The following SNX24 variants were observed in gnomAD, a reference collection of about 807,000 sequenced individuals.
SNX24 encodes sorting nexin 24, also known as sorting nexin-24.
SNX24 carries 22 observed loss-of-function variants against 28.7 expected under a neutral mutation model. The observed-to-expected ratio is 0.77, with a 90% CI of 0.55 to 1.10. SNX24 has a LOEUF of 1.10. SNX24 is among the 50% of genes least tolerant of loss of function. The pLI, the probability that SNX24 is intolerant of heterozygous loss-of-function variation, is 0.00. For missense variants in SNX24, 221 were observed against 201.1 expected, an observed-to-expected ratio of 1.10 and a Z score of -0.60; for synonymous variants, 69 against 71.5, an observed-to-expected ratio of 0.96 and a Z score of 0.18.
intron 3 of SNX24, among the ~76,000 whole-genome samples, chr5:122,955,082 T>C (rs1349197981): frequency 6.6e-6 from 1 of 151,986 alleles, no homozygotes; most frequent in Non-Finnish European, 1.5e-5. Context: ...TTTTTCTCCA[T>C]GGTCAGGGTG....
chr5:122,948,653 A>G lies in SNX24; in HGVS notation c.249+2494A>G, dbSNP rs1295668488. On this transcript the variant is annotated intron_variant, in intron 3 of 6. Transcript: ENST00000261369. ...AGTACATTCTGGACCATGGGTGAGT[A>G]CAACCCCACACATTTCCTAAGGTGG... 2.6e-5 allele frequency: 4 copies of G among 152,320 alleles called. No homozygotes were observed. In the East Asian group the frequency reaches 5.8e-4, roughly 22 times the overall value. 9.4% of individuals were successfully genotyped at this position (152,320 alleles called of 1,614,324 possible). A position where few individuals can be genotyped will look rare whatever the true frequency, so the allele number is the denominator to read the frequency against.
At chr5:122,855,219 A>C (rs926456269) in intron 1 of SNX24, among the ~76,000 whole-genome samples, 5 of 151,972 alleles carry the variant, frequency 3.3e-5, no homozygotes, top group African/African-American at 1.2e-4. Context: ...CTACAGGTGC[A>C]GGCCACTATG....
At chr5:123,020,123 T>A (rs778943591) in intron 5 of SNX24, among the ~76,000 whole-genome samples, 1 of 152,326 alleles carries the variant, frequency 6.6e-6, no homozygotes, top group South Asian at 2.1e-4. Context: ...TCCTTCTGCA[T>A]GGGGGAGAGT....
intron 3 of SNX24, chr5:122,998,462 G>A (rs1290398580): frequency 1.3e-5 from 2 of 152,146 alleles, no homozygotes; most frequent in Non-Finnish European, 2.9e-5. Flanking sequence ...TAGATGCCCA[G>A]GAAATTATTA....
At chr5:123,023,804 CACA>C in intron 5 of SNX24, 1 of 1,221,912 alleles carries the variant, frequency 8.2e-7, no homozygotes. Context: ...TGAAAGACAA[CACA>C]ACACACACAC....
intron 1 of SNX24, among the ~76,000 whole-genome samples, chr5:122,893,974 G>C (rs1372694089): frequency 6.6e-6 from 1 of 151,664 alleles, no homozygotes; most frequent in Non-Finnish European, 1.5e-5. Flanking sequence ...CTTGAACCCG[G>C]TTGCTGTGAG....
chr5:122,912,966 C>A (rs1757958560), intron 1 of SNX24, among the ~76,000 whole-genome samples: 2 of 152,030 alleles, frequency 1.3e-5, no homozygotes, highest in African/African-American at 4.8e-5. Flanking sequence ...ACATCTTGCA[C>A]CGCCCTTAAT....
intron 1 of SNX24, 78 bp downstream of exon 1, chr5:122,845,771 C>T (rs1228694133): frequency 2.3e-6 from 2 of 884,384 alleles, no homozygotes; most frequent in African/African-American, 1.7e-5. Context: ...CCCTTGGCCG[C>T]CGCCGCCTTG....
intron 5 of SNX24, 31 bp from the exon 6 acceptor site, chr5:123,001,909 A>C (rs777579424): frequency 2.5e-6 from 4 of 1,598,780 alleles, no homozygotes; most frequent in Non-Finnish European, 3.4e-6. Context: ...TCGTCCCCTG[A>C]TGCTGACATG....
intron 1 of SNX24, among the ~76,000 whole-genome samples, chr5:122,935,405 G>A (rs1759139143): frequency 6.6e-6 from 1 of 151,936 alleles, no homozygotes; most frequent in Non-Finnish European, 1.5e-5. Flanking sequence ...ATATCTGAGA[G>A]TTTGAAGCAT....
chr5:122,900,001 G>A (rs370902720), intron 1 of SNX24, among the ~76,000 whole-genome samples: 4 of 152,012 alleles, frequency 2.6e-5, no homozygotes, highest in South Asian at 4.2e-4. Context: ...TATTTAAGAT[G>A]TGCAATATGG....
In SNX24 at chr5:123,023,970, C is replaced by G. The variant is rs1165072181; in HGVS notation, n.384-5268C>G. ...TTGGTGAGTGGACGGTCATGCCCATCAGTTGCTTGGAGCTCTATGGAGTGC... is the reference window on the plus strand; with the variant it reads ...TTGGTGAGTGGACGGTCATGCCCATGAGTTGCTTGGAGCTCTATGGAGTGC... On this transcript the variant is annotated intron_variant and non_coding_transcript_variant, in intron 5 of 5. Transcript: ENST00000502387. The G allele has an allele frequency of 1.9e-6, 3 of 1,613,904 alleles. No homozygotes were observed. In the African/African-American group the frequency reaches 4.0e-5, roughly 22 times the overall value.
chr5:122,917,847 G>A (rs1028742996), intron 1 of SNX24, among the ~76,000 whole-genome samples: 5 of 152,206 alleles, frequency 3.3e-5, no homozygotes, highest in East Asian at 1.9e-4. Context: ...TTGGGAGGCC[G>A]AGGTGGGCGG....
At chr5:122,858,774 G>A (rs2150039335) in intron 1 of SNX24, among the ~76,000 whole-genome samples, 1 of 152,206 alleles carries the variant, frequency 6.6e-6, no homozygotes, top group East Asian at 1.9e-4. Flanking sequence ...ACTTATGAAT[G>A]AAGTTGAACA....
At chr5:123,028,619 T>C (rs1762897169) in intron 5 of SNX24, 1 of 578,740 alleles carries the variant, frequency 1.7e-6, no homozygotes, top group Non-Finnish European at 3.1e-6. Context: ...GAGATGCTGC[T>C]AGATGAGTCC....
At chr5:122,916,872 T>A (rs1354601130) in intron 1 of SNX24, among the ~76,000 whole-genome samples, 1 of 152,206 alleles carries the variant, frequency 6.6e-6, no homozygotes, top group South Asian at 2.1e-4. Context: ...TGGTCTTCTT[T>A]CTGAGCTCTA....
chr5:122,873,942 G>T (rs1455884494), intron 1 of SNX24, among the ~76,000 whole-genome samples: 1 of 152,056 alleles, frequency 6.6e-6, no homozygotes, highest in South Asian at 2.1e-4. Flanking sequence ...ATTTTTTTGT[G>T]TATTTTTAGT....
At position 122,987,065 on chromosome 5, in the gene SNX24, T is replaced by C. The variant is rs192845688; in HGVS notation, c.250-12847T>C. ...GAGGAGAAGATCGATGGAAGTGCAG[T>C]ATAGGTAGAGTTGTTGGGATAAAGA... On this transcript the variant is annotated intron_variant, in intron 3 of 6. Transcript: ENST00000261369. 3.7e-3 allele frequency among the ~76,000 whole-genome samples: 570 copies of C among 152,082 alleles called. 4 individuals carry two copies. Among genetic ancestry groups the C allele is most frequent in the African/African-American group, 0.013 (528 of 41,476 alleles).
chr5:122,868,546 C>T (rs1407106726), intron 1 of SNX24, among the ~76,000 whole-genome samples: 1 of 152,092 alleles, frequency 6.6e-6, no homozygotes, highest in Admixed American at 6.5e-5. Flanking sequence ...CCGTATCTGC[C>T]ACGGATACTT....
Sources: gnomAD v4.1 joint callset for allele counts (sites outside exome capture counted in the v4.1 genomes callset) on GRCh38, gnomAD v4.1.1 for gene constraint, MANE v1.5 for transcripts, NCBI Gene and HGNC (gene_info 2026-07-23, HGNC 2026-07-21) for gene names.